UBR4: variants seen among roughly 807,000 people sequenced by gnomAD.
The protein encoded by UBR4 is E3 ubiquitin-protein ligase UBR4.
Under a neutral mutation model 575.6 loss-of-function variants are expected in UBR4, and 124 were observed. The observed-to-expected ratio is 0.22, with a 90% CI of 0.19 to 0.25. The LOEUF is 0.25. Ranked by LOEUF, UBR4 falls within the 10% of genes least tolerant of loss-of-function variation. The pLI, the probability that UBR4 is intolerant of heterozygous loss-of-function variation, is 1.00. For missense variants in UBR4, 4,818 were observed against 6,478.8 expected (o/e 0.74, Z 8.80); for synonymous variants, 2,455 against 2,473.7 (o/e 0.99, Z 0.22).
At position 19,177,715 on chromosome 1, in the gene UBR4, G is replaced by A. The variant is rs2090423032; in HGVS notation, c.2383C>T (p.Leu795=). 1 of 1,613,788 alleles carries A rather than the reference G, an allele frequency of 6.2e-7. No individual in the cohort carries two copies. The highest frequency in any genetic ancestry group is 8.5e-7 in the Non-Finnish European group (1 of 1,179,942). The part of the protein sequence containing the change: ...RFLSTMKQNA[L]QGVVPSETED... ...GTCTCACTGGGCACCACACCTTGCA[G>A]GGCATTCTGCTTCATTGTAGACAAA... The change falls in exon 19 of 106, where the codon CTG becomes TTG. Residue 795 remains leucine, a synonymous_variant. Coordinates refer to ENST00000375254, the MANE Select transcript of UBR4 (RefSeq NM_020765.3).
chr1:19,165,013 G>C lies in UBR4; in HGVS notation c.4313-16C>G. 6.2e-7 allele frequency: 1 copy of C among 1,613,782 alleles called. No individual in the cohort carries two copies. The highest frequency in any genetic ancestry group is 8.5e-7 in the Non-Finnish European group (1 of 1,179,848). ...CTCTTCTCAGCTAGGAGCAGAACAA[G>C]AGGCCAGGGTCAGTAAAGAAGGGCA... On this transcript the variant is annotated splice_polypyrimidine_tract_variant and intron_variant, in intron 31 of 105. Coordinates refer to ENST00000375254, the MANE Select transcript of UBR4 (RefSeq NM_020765.3).
chr1:19,106,188 C>A (rs1205935867), intron 83 of UBR4, among the ~76,000 whole-genome samples: 1 of 152,130 alleles, frequency 6.6e-6, no homozygotes, highest in East Asian at 1.9e-4. Context: ...TAAATGTAAA[C>A]CAAGTATTTC....
Position 19,139,085 on chromosome 1 carries a change from C to A in UBR4, c.8729G>T (p.Ser2910Ile). The change falls in exon 59 of 106, where the codon AGT becomes ATT. Residue 2910 changes from serine to isoleucine, a missense_variant and splice_region_variant. By Grantham distance (142) the Ser-to-Ile change is moderately radical. Transcript: ENST00000375254. This position sits in a 1 kb window ranked among gnomAD's most constrained non-coding sequence, Gnocchi z 4.2. ...GGACCCCCGCCATGGCACATTACCA[C>A]TGTGCTCGCCAGCCACTGAGTCCAC... is the stretch of plus-strand genomic sequence containing the variant. ...SAVDSVAGEH[S>I]VSGRSSAYGD... 6.2e-7 allele frequency: 1 copy of A among 1,611,712 alleles called. No individual in the cohort carries two copies.
chr1:19,182,240 G>A (rs2091042113), intron 17 of UBR4, among the ~76,000 whole-genome samples: 1 of 152,134 alleles, frequency 6.6e-6, no homozygotes, highest in African/African-American at 2.4e-5. Flanking sequence ...TGGCTACTGT[G>A]AATAATACTG....
At chr1:19,146,502 T>C (rs2084889104) in intron 52 of UBR4, among the ~76,000 whole-genome samples, 1 of 152,240 alleles carries the variant, frequency 6.6e-6, no homozygotes, top group Non-Finnish European at 1.5e-5. Context: ...ATGCCATAGT[T>C]GCTTTAAAGC....
At chr1:19,107,409 T>C (rs927803505) in intron 81 of UBR4, among the ~76,000 whole-genome samples, 1 of 152,110 alleles carries the variant, frequency 6.6e-6, no homozygotes, top group Non-Finnish European at 1.5e-5. Context: ...CAGAACCCTG[T>C]TACAATCTTC....
chr1:19,118,078 C>G (rs745398531), intron 71 of UBR4, 168 bp from the exon 72 acceptor site: 4 of 587,780 alleles, frequency 6.8e-6, no homozygotes, highest in Non-Finnish European at 1.2e-5. Flanking sequence ...AATAGGGTTA[C>G]GAAGCCACAG....
intron 52 of UBR4, 118 bp from the exon 53 acceptor site, chr1:19,146,051 A>C (rs1436720977): frequency 7.6e-6 from 12 of 1,578,500 alleles, no homozygotes; most frequent in Non-Finnish European, 7.7e-6. Context: ...GTGGGGCCCC[A>C]ATCAATATGC....
At position 19,092,763 on chromosome 1, in the gene UBR4, T is replaced by C. The variant is rs745683104; in HGVS notation, c.14211+56A>G. The C allele has an allele frequency of 4.0e-5, 56 of 1,413,106 alleles. No homozygotes were observed. The Middle Eastern group carries it at 5.5e-4, about 14-fold the overall frequency. 87.5% of individuals were successfully genotyped at this position (1,413,106 alleles called of 1,614,324 possible). A position where few individuals can be genotyped will look rare whatever the true frequency, so the allele number is the denominator to read the frequency against. ...GGGTAAGTCATGTCTCAAGGTAAAC[T>C]AGGGTAGTTATACTTGTACCCCTGT... On this transcript the variant is annotated intron_variant, in intron 97 of 105. Coordinates refer to ENST00000375254, the MANE Select transcript of UBR4 (RefSeq NM_020765.3).
chr1:19,097,014 CAGT>C (rs2078129322), intron 91 of UBR4, among the ~76,000 whole-genome samples, 176 bp downstream of exon 91: 1 of 149,252 alleles, frequency 6.7e-6, no homozygotes, highest in Non-Finnish European at 1.5e-5. Context: ...TTTGAACACT[CAGT>C]GGTATCTGCA....
In UBR4 at chr1:19,097,199, TAG is replaced by T; in HGVS notation, c.13382_13383del (p.Ser4461TyrfsTer4). 1 of 1,612,748 alleles carries T rather than the reference TAG, an allele frequency of 6.2e-7. No homozygotes were observed. The highest frequency in any genetic ancestry group is 8.5e-7 in the Non-Finnish European group (1 of 1,179,512). On this transcript the variant is annotated frameshift_variant, in exon 91 of 106. Coordinates refer to ENST00000375254, the MANE Select transcript of UBR4 (RefSeq NM_020765.3). LOFTEE classifies it high-confidence loss of function. ...GTGCAGTGCCATGATCTACCTGTAGTAGAGTCCAGGGACTCAATGAACTCCTC... is the reference window on the plus strand; with the variant it reads ...GTGCAGTGCCATGATCTACCTGTAGTAGTCCAGGGACTCAATGAACTCCTC... ...ATEEFIESLD[S>X]TTDEEEDEEE...
chr1:19,153,298 T>A lies in UBR4; in HGVS notation c.6832+3A>T, dbSNP rs2085994751. On this transcript the variant is annotated splice_donor_region_variant and intron_variant, in intron 46 of 105. Coordinates refer to ENST00000375254, the MANE Select transcript of UBR4 (RefSeq NM_020765.3). This position sits in a 1 kb window ranked among gnomAD's most constrained non-coding sequence, Gnocchi z 4.1. ...CCACAAGTCATCTGAGAAGGAGCCT[T>A]ACTGATTGTAGCTGTTTTGCGCTTT... 6.2e-7 allele frequency: 1 copy of A among 1,614,134 alleles called. No homozygotes were observed. Among genetic ancestry groups the A allele is most frequent in the African/African-American group, 1.3e-5 (1 of 75,044 alleles).
At position 19,113,702 on chromosome 1, in the gene UBR4, G is replaced by A; in HGVS notation, c.11454C>T (p.Ile3818=). The part of the protein sequence containing the change: ...KNSFDELSKI[I]QKVFASRKEL... ...AAAGCTGCTCCCCGCTCTCTACCTGGATGATTTTGGAGAGTTCATCAAAAG... is the reference window on the plus strand; with the variant it reads ...AAAGCTGCTCCCCGCTCTCTACCTGAATGATTTTGGAGAGTTCATCAAAAG... Residue 3818 remains isoleucine, a synonymous_variant, in exon 77 of 106, where the codon ATC becomes ATT. Coordinates refer to ENST00000375254, the MANE Select transcript of UBR4 (RefSeq NM_020765.3). The A allele has an allele frequency of 1.7e-5, 27 of 1,614,134 alleles. No individual in the cohort carries two copies. Among genetic ancestry groups the A allele is most frequent in the Non-Finnish European group, 2.2e-5 (26 of 1,180,014 alleles).
intron 17 of UBR4, among the ~76,000 whole-genome samples, chr1:19,181,101 C>T (rs989692314): frequency 1.1e-4 from 16 of 152,250 alleles, no homozygotes; most frequent in African/African-American, 3.4e-4. Context: ...AACCTTAGGC[C>T]GAGCACAGTG....
chr1:19,198,547 C>T lies in UBR4; in HGVS notation c.642G>A (p.Gln214=), dbSNP rs781676015. The T allele has an allele frequency of 2.5e-6, 4 of 1,613,818 alleles. No homozygotes were observed. The part of the protein sequence containing the change: ...RTVASQPIST[Q]TLVEGENDEQ... ...TTTGACTAAAGAAACTCACCAGAGTCTGTGTACTGATAGGTTGTGATGCTA... is the reference window on the plus strand; with the variant it reads ...TTTGACTAAAGAAACTCACCAGAGTTTGTGTACTGATAGGTTGTGATGCTA... The change falls in exon 5 of 106, where the codon CAG becomes CAA. Residue 214 remains glutamine, a synonymous_variant. Transcript: ENST00000375254.
At position 19,154,981 on chromosome 1, in the gene UBR4, A is replaced by G. The variant is rs558431780; in HGVS notation, c.6395T>C (p.Phe2132Ser). The change falls in exon 44 of 106, where the codon TTC (phenylalanine) becomes TCC (serine). Residue 2132 changes from phenylalanine (F) to serine (S), a missense_variant. Transcript: ENST00000375254. ...GGTTGTCCTGCTGATGGTGGCTGCG[A>G]ATGATTTGCCTTGACAATAGCTGAA... The part of the protein sequence containing the change: ...LFFSYCQGKS[F>S]AATISRTTLE... The G allele has an allele frequency of 1.9e-6, 3 of 1,614,094 alleles. No individual in the cohort carries two copies. The highest frequency in any genetic ancestry group is 2.5e-6 in the Non-Finnish European group (3 of 1,180,040).
intron 13 of UBR4, 147 bp from the exon 14 acceptor site, chr1:19,186,804 T>C (rs758942762): frequency 1.1e-5 from 8 of 701,640 alleles, no homozygotes; most frequent in Non-Finnish European, 1.9e-5. Context: ...TTCATCACTT[T>C]ACCCTACAAA....
chr1:19,172,935 C>T lies in UBR4; in HGVS notation c.3450G>A (p.Lys1150=), dbSNP rs2089786605. Residue 1150 remains lysine, a synonymous_variant, in exon 25 of 106, where the codon AAG becomes AAA. Transcript: ENST00000375254. ...SKMAAETDPH[K]SSEITKNLLP... is the part of the protein sequence containing the mutation. ...GTAGGTTCTTGGTAATCTCAGACGA[C>T]TTATGAGGATCAGTCTCAGCAGCCA... 1.2e-6 allele frequency: 2 copies of T among 1,614,100 alleles called. No individual in the cohort carries two copies. Among genetic ancestry groups the T allele is most frequent in the Non-Finnish European group, 1.7e-6 (2 of 1,180,024 alleles).
At chr1:19,123,180 G>A (rs1405530238) in intron 65 of UBR4, 120 bp from the exon 66 acceptor site, 13 of 1,084,778 alleles carry the variant, frequency 1.2e-5, no homozygotes, top group African/African-American at 3.1e-5. Flanking sequence ...GGCCGGGCAC[G>A]GTGGCTCACA....
Sources: allele counts gnomAD v4.1 joint callset (sites outside exome capture counted in the v4.1 genomes callset), GRCh38; gene constraint gnomAD v4.1.1; non-coding constraint Gnocchi (gnomAD v3.1); transcripts MANE v1.5; gene names NCBI Gene and HGNC (gene_info 2026-07-23, HGNC 2026-07-21).